The following DDI2 variants were observed in gnomAD, a reference collection of about 807,000 sequenced individuals.
The protein encoded by DDI2 is DDI proteasomal shuttling factor 2.
Under a neutral mutation model 48.1 loss-of-function variants are expected in DDI2, and 5 were observed. The observed-to-expected ratio is 0.10, with a 90% CI of 0.05 to 0.22. DDI2 has a LOEUF of 0.22. Ranked by LOEUF, DDI2 falls within the 10% of genes least tolerant of loss-of-function variation. The pLI is 1.00. For synonymous variants in DDI2, 205 were observed against 183.6 expected (o/e 1.12, Z -0.94); for missense variants, 285 against 506.2 (o/e 0.56, Z 4.19).
chr1:15,629,394 G>A (rs868562055), intron 2 of DDI2, among the ~76,000 whole-genome samples: 104 of 152,102 alleles, frequency 6.8e-4, no homozygotes, highest in African/African-American at 2.3e-3. Flanking sequence ...TCAGGATTTC[G>A]AGACCAGCCT....
At chr1:15,640,046 G>A (rs549651756) in intron 5 of DDI2, among the ~76,000 whole-genome samples, 2 of 151,910 alleles carry the variant, frequency 1.3e-5, no homozygotes, top group Admixed American at 1.3e-4. Flanking sequence ...TTTGTATCTT[G>A]AGATACAGAC....
At chr1:15,626,950 T>C (rs781044004) in intron 2 of DDI2, 152 bp downstream of exon 2, 14 of 980,764 alleles carry the variant, frequency 1.4e-5, no homozygotes, top group Non-Finnish European at 2.1e-5. Context: ...TGAACAAGTA[T>C]TTTAATGTCT....
intron 1 of DDI2, among the ~76,000 whole-genome samples, chr1:15,623,389 T>TC (rs1217120452): frequency 4.9e-5 from 7 of 141,576 alleles, no homozygotes; most frequent in South Asian, 2.2e-4. Context: ...TTCTTCTTCT[T>TC]TTTTTTTTTT....
chr1:15,655,079 G>C (rs1640251461), intron 8 of DDI2, among the ~76,000 whole-genome samples: 1 of 151,914 alleles, frequency 6.6e-6, no homozygotes, highest in African/African-American at 2.4e-5. Context: ...AAGTTTGGAA[G>C]ATTAAAACAG....
intron 6 of DDI2, among the ~76,000 whole-genome samples, chr1:15,643,871 C>G (rs1640046550): frequency 1.3e-5 from 2 of 152,158 alleles, no homozygotes; most frequent in African/African-American, 4.8e-5. Flanking sequence ...AACAAGTAGT[C>G]TCCTCTACGT....
intron 6 of DDI2, among the ~76,000 whole-genome samples, chr1:15,649,371 TAATG>T (rs975364151): frequency 2.0e-5 from 3 of 146,520 alleles, no homozygotes; most frequent in African/African-American, 7.7e-5. Context: ...CAAAAAATAA[TAATG>T]AAAAGAACTT....
intron 2 of DDI2, among the ~76,000 whole-genome samples, chr1:15,627,920 TG>T (rs1440703129): frequency 6.6e-6 from 1 of 152,194 alleles, no homozygotes; most frequent in Non-Finnish European, 1.5e-5. Flanking sequence ...ATTAGTCCCT[TG>T]GGGCCACAGT....
chr1:15,645,485 A>G (rs72647134), intron 6 of DDI2, among the ~76,000 whole-genome samples: 31,678 of 152,022 alleles, frequency 0.21, 3,452 homozygotes, highest in Middle Eastern at 0.26. Flanking sequence ...TTGTCTTCCA[A>G]CCTTTGTGTT....
At chr1:15,652,695 C>T (rs527961334) in intron 8 of DDI2, among the ~76,000 whole-genome samples, 2 of 151,928 alleles carry the variant, frequency 1.3e-5, no homozygotes, top group African/African-American at 2.4e-5. Context: ...TAGTGGTAGG[C>T]GCCTGTATTC....
chr1:15,622,681 A>G (rs547713717), intron 1 of DDI2, among the ~76,000 whole-genome samples: 1 of 152,024 alleles, frequency 6.6e-6, no homozygotes, highest in Non-Finnish European at 1.5e-5. Context: ...TTTTGTTTTT[A>G]TTGGTAGAGA....
intron 9 of DDI2, among the ~76,000 whole-genome samples, chr1:15,658,038 C>G (rs1640297028): frequency 6.6e-6 from 1 of 151,920 alleles, no homozygotes; most frequent in Non-Finnish European, 1.5e-5. Flanking sequence ...AAGATCAAGC[C>G]CTCTTGTTGG....
At chr1:15,629,726 A>ATTT (rs113510565) in intron 2 of DDI2, among the ~76,000 whole-genome samples, 1 of 142,420 alleles carries the variant, frequency 7.0e-6, no homozygotes, top group Non-Finnish European at 1.5e-5. Context: ...ACTAGCTTTA[A>ATTT]TTTTTTTTTT....
intron 1 of DDI2, among the ~76,000 whole-genome samples, chr1:15,625,276 G>C (rs112468942): frequency 1.3e-3 from 198 of 152,250 alleles, no homozygotes; most frequent in South Asian, 9.5e-3. Context: ...TGAGTGTCAT[G>C]CCCCTCGCAG....
At chr1:15,626,354 AG>A (rs1181657455) in intron 1 of DDI2, among the ~76,000 whole-genome samples, 1 of 152,262 alleles carries the variant, frequency 6.6e-6, no homozygotes, top group African/African-American at 2.4e-5. Context: ...GAGACGTAAA[AG>A]GAAAAAAATG....
intron 1 of DDI2, 86 bp downstream of exon 1, chr1:15,617,894 G>C (rs1639588901): frequency 7.1e-7 from 1 of 1,404,290 alleles, no homozygotes; most frequent in Non-Finnish European, 9.3e-7. Context: ...TACTGGTGAA[G>C]AATTGGGGGC....
chr1:15,656,483 A>G, intron 8 of DDI2, 134 bp from the exon 9 acceptor site: 5 of 1,579,684 alleles, frequency 3.2e-6, no homozygotes, highest in Non-Finnish European at 4.3e-6. Flanking sequence ...TCCAAACTAC[A>G]GAAACATCCC....
Position 15,665,584 on chromosome 1 carries a change from T to C in DDI2, c.*5794T>C, listed in dbSNP as rs981018129. ...TTAGGTTAACTTTTAAGCTCATGTC[T>C]ATATATATGTGTGTAAGCTAGCATA... On this transcript the variant is annotated 3_prime_UTR_variant, in exon 10 of 10. Coordinates refer to ENST00000480945, the MANE Select transcript of DDI2 (RefSeq NM_032341.5). 3 of 152,226 alleles carry C rather than the reference T, an allele frequency of 2.0e-5. No individual in the cohort carries two copies. The highest frequency in any genetic ancestry group is 7.2e-5 in the African/African-American group (3 of 41,452). 9.4% of individuals were successfully genotyped at this position (152,226 alleles called of 1,614,324 possible).
chr1:15,621,783 T>C (rs1323559241), intron 1 of DDI2, among the ~76,000 whole-genome samples: 2 of 152,214 alleles, frequency 1.3e-5, no homozygotes, highest in Non-Finnish European at 2.9e-5. Context: ...TGGGGAAAAT[T>C]GGAAGCAGTT....
In DDI2 at chr1:15,665,711, C is replaced by T. The variant is rs570594050; in HGVS notation, c.*5921C>T. 3 of 152,108 alleles carry T rather than the reference C, an allele frequency of 2.0e-5. No individual in the cohort carries two copies. Among genetic ancestry groups the T allele is most frequent in the South Asian group, 2.1e-4 (1 of 4,822 alleles). The allele number at this position is 152,108 out of a possible 1,614,324, so 9.4% of individuals were successfully genotyped here. ...TCTTCACTTATGGTGGCTTTTATCC[C>T]GCCACATATATAAATATATATATAT... On this transcript the variant is annotated 3_prime_UTR_variant, in exon 10 of 10. Transcript: ENST00000480945.
Sources: gnomAD v4.1 joint callset for allele counts (sites outside exome capture counted in the v4.1 genomes callset) on GRCh38, gnomAD v4.1.1 for gene constraint, MANE v1.5 for transcripts, NCBI Gene and HGNC (gene_info 2026-07-23, HGNC 2026-07-21) for gene names.